The following C1orf141 variants were observed in gnomAD, a reference collection of about 807,000 sequenced individuals.
C1orf141 encodes chromosome 1 open reading frame 141, also known as uncharacterized protein C1orf141.
C1orf141 carries 19 observed loss-of-function variants against 23.2 expected under a neutral mutation model. That is an observed-to-expected ratio of 0.82 (90% CI 0.57 to 1.20). The LOEUF (loss-of-function observed/expected upper bound fraction) is 1.20. Ranked by LOEUF, C1orf141 falls within the 50% of genes most tolerant of loss-of-function variation. The pLI is 0.00. For synonymous variants in C1orf141, 153 were observed against 154.6 expected, an observed-to-expected ratio of 0.99 and a Z score of 0.08; for missense variants, 469 against 455.1, an observed-to-expected ratio of 1.03 and a Z score of -0.28.
chr1:67,111,722 A>G, intron 5 of C1orf141: 1 of 561,310 alleles, frequency 1.8e-6, no homozygotes, highest in Middle Eastern at 2.7e-4. Context: ...TCTCCACTGC[A>G]GTAAACTTTT....
intron 5 of C1orf141, chr1:67,111,584 G>A: frequency 7.6e-7 from 1 of 1,316,030 alleles, no homozygotes; most frequent in Non-Finnish European, 1.0e-6. Context: ...TACCTCAGTT[G>A]TATCCTTAAG....
chr1:67,125,959 A>G, intron 3 of C1orf141, 50 bp from the exon 4 acceptor site: 1 of 1,451,940 alleles, frequency 6.9e-7, no homozygotes, highest in Non-Finnish European at 9.1e-7. Flanking sequence ...AGTACTTTTT[A>G]TATGGGGAAA....
At chr1:67,106,745 A>T (rs192117969) in intron 5 of C1orf141, among the ~76,000 whole-genome samples, 1 of 152,198 alleles carries the variant, frequency 6.6e-6, no homozygotes, top group East Asian at 1.9e-4. Flanking sequence ...AAGGAAAAAC[A>T]TAGGGAATCT....
intron 5 of C1orf141, chr1:67,103,348 G>GA (rs751170873): frequency 3.8e-5 from 55 of 1,463,300 alleles, no homozygotes; most frequent in Non-Finnish European, 4.9e-5. Context: ...TCTATGCTGT[G>GA]AATATAGAAC....
chr1:67,135,601 A>G (rs78197436), upstream of C1orf141, among the ~76,000 whole-genome samples: 5,515 of 152,256 alleles, frequency 0.036, 158 homozygotes, highest in Non-Finnish European at 0.055. Context: ...ATTTGTCCTT[A>G]TTGCTCACTT....
rs1290370755 is a variant in C1orf141, at chr1:67,092,285, A to G, written c.*720T>C. 1 of 152,276 alleles carries G rather than the reference A, an allele frequency of 6.6e-6. No homozygotes were observed. Among genetic ancestry groups the G allele is most frequent in the Non-Finnish European group, 1.5e-5 (1 of 68,014 alleles). 9.4% of individuals were successfully genotyped at this position (152,276 alleles called of 1,614,324 possible). A position where few individuals can be genotyped will look rare whatever the true frequency, so the allele number is the denominator to read the frequency against. On this transcript the variant is annotated 3_prime_UTR_variant, in exon 8 of 8. Coordinates refer to ENST00000684719, the MANE Select transcript of C1orf141 (RefSeq NM_001276351.2). Reference sequence around the variant, plus strand: ...CAAAATGCAACTTGTTTCTAAGTGGAATTCTGCCTTTAAACTGTTTGGGTT... The same window carrying G: ...CAAAATGCAACTTGTTTCTAAGTGGGATTCTGCCTTTAAACTGTTTGGGTT...
intron 1 of C1orf141, among the ~76,000 whole-genome samples, chr1:67,133,233 A>C (rs529905729): frequency 1.3e-5 from 2 of 152,232 alleles, no homozygotes; most frequent in African/African-American, 2.4e-5. Context: ...AAAACTAAGA[A>C]TCTCTAAAGT....
intron 4 of C1orf141, among the ~76,000 whole-genome samples, chr1:67,118,011 C>G (rs1646229847): frequency 6.6e-6 from 1 of 152,120 alleles, no homozygotes; most frequent in African/African-American, 2.4e-5. Context: ...AAGTGATCAA[C>G]AAAATGTCAT....
intron 1 of C1orf141, among the ~76,000 whole-genome samples, chr1:67,140,096 A>G (rs1250333134): frequency 1.3e-5 from 2 of 152,190 alleles, no homozygotes; most frequent in East Asian, 1.9e-4. Context: ...TGCACTTCTC[A>G]GTCTCCATAA....
intron 5 of C1orf141, among the ~76,000 whole-genome samples, chr1:67,107,634 A>G (rs1645961293): frequency 6.6e-6 from 1 of 152,202 alleles, no homozygotes; most frequent in African/African-American, 2.4e-5. Flanking sequence ...CACGCCTGTA[A>G]TCCCCGCACT....
intron 5 of C1orf141, chr1:67,111,482 C>T: frequency 2.1e-6 from 1 of 468,314 alleles, no homozygotes; most frequent in Non-Finnish European, 3.7e-6. Flanking sequence ...TCCTAAAATT[C>T]ACTTGAATTT....
At chr1:67,135,906 C>CAAAAAAAAAAACAAAAAAAA (rs1646581068), upstream of C1orf141, among the ~76,000 whole-genome samples, 1 of 62,620 alleles carries the variant, frequency 1.6e-5, no homozygotes, top group African/African-American at 7.6e-5. Flanking sequence ...GGCAAAACTG[C>CAAAAAAAAAAACAAAAAAAA]AAAAAAAAAA....
chr1:67,130,084 T>C (rs537202787), intron 2 of C1orf141, among the ~76,000 whole-genome samples: 17 of 152,350 alleles, frequency 1.1e-4, no homozygotes, highest in Non-Finnish European at 2.4e-4. Flanking sequence ...GGACAGATTT[T>C]GAAAGAGAAC....
chr1:67,124,133 C>T (rs1273571959), intron 4 of C1orf141, among the ~76,000 whole-genome samples: 1 of 152,128 alleles, frequency 6.6e-6, no homozygotes, highest in African/African-American at 2.4e-5. Flanking sequence ...TTAGGTTTTT[C>T]ATCTGTAAAA....
chr1:67,107,228 A>G (rs1645948669), intron 5 of C1orf141, among the ~76,000 whole-genome samples: 1 of 149,018 alleles, frequency 6.7e-6, no homozygotes, highest in Non-Finnish European at 1.5e-5. Context: ...AAAATCCCAA[A>G]CAAATAAAAA....
At chr1:67,140,896 T>C (rs1244745422) in intron 1 of C1orf141, among the ~76,000 whole-genome samples, 1 of 152,190 alleles carries the variant, frequency 6.6e-6, no homozygotes, top group Non-Finnish European at 1.5e-5. Flanking sequence ...TTTAGAGATA[T>C]TAAATATTCT....
At chr1:67,135,924 A>AAAAAAAC (rs1423834906), upstream of C1orf141, among the ~76,000 whole-genome samples, 1 of 151,356 alleles carries the variant, frequency 6.6e-6, no homozygotes, top group Non-Finnish European at 1.5e-5. Context: ...AAAAAAAAAA[A>AAAAAAAC]AAAGTATAGT....
At chr1:67,137,313 G>A (rs76436269), upstream of C1orf141, among the ~76,000 whole-genome samples, 9,701 of 152,200 alleles carry the variant, frequency 0.064, 468 homozygotes, top group African/African-American at 0.14. Context: ...TCACAGGGCA[G>A]AGTCAGTCCC....
intron 5 of C1orf141, among the ~76,000 whole-genome samples, chr1:67,114,938 A>G (rs186829941): frequency 6.6e-6 from 1 of 152,368 alleles, no homozygotes; most frequent in Admixed American, 6.5e-5. Context: ...GGCCTCCCAA[A>G]GTGCTGGGAT....
Sources: allele counts gnomAD v4.1 joint callset (sites outside exome capture counted in the v4.1 genomes callset), GRCh38; gene constraint gnomAD v4.1.1; transcripts MANE v1.5; gene names NCBI Gene and HGNC (gene_info 2026-07-23, HGNC 2026-07-21).